Variants in CARNMT1 observed in about 807,000 individuals in gnomAD.
The protein encoded by CARNMT1 is protein-L-histidine N-pros-methyltransferase CARNMT1.
CARNMT1 carries 28 observed loss-of-function variants against 49.6 expected under a neutral mutation model. That is an observed-to-expected ratio of 0.56 (90% CI 0.42 to 0.77). The LOEUF is 0.77. Among genes scored for constraint, CARNMT1 ranks in the 30% least tolerant of loss-of-function variants. The pLI is 0.00. For synonymous variants in CARNMT1, 178 were observed against 175.0 expected, an observed-to-expected ratio of 1.02 and a Z score of -0.13; for missense variants, 421 against 512.6, an observed-to-expected ratio of 0.82 and a Z score of 1.73.
Position 75,006,440 on chromosome 9 carries a change from G to GGTT in CARNMT1, c.591-6573_591-6571dup, listed in dbSNP as rs113721323. The stretch of plus-strand genomic sequence containing the variant: ...ATGCAGCCTTTACTGTGTTTTATTA[G>GGTT]GTTTCCTGTTTAGGTTTTTTTGATA... On this transcript the variant is annotated intron_variant, in intron 3 of 7. Coordinates refer to ENST00000376834, the MANE Select transcript of CARNMT1 (RefSeq NM_152420.3). 8.7e-3 allele frequency among the ~76,000 whole-genome samples: 1,326 copies of GGTT among 152,176 alleles called. 20 individuals carry two copies. The highest frequency in any genetic ancestry group is 0.029 in the African/African-American group (1,211 of 41,512).
chr9:75,005,680 A>G lies in CARNMT1; in HGVS notation c.591-5810T>C, dbSNP rs147121828. 4.7e-3 allele frequency among the ~76,000 whole-genome samples: 720 copies of G among 151,996 alleles called. 4 individuals are homozygous for G. The highest frequency in any genetic ancestry group is 0.015 in the African/African-American group (637 of 41,452). Reference sequence around the variant, plus strand: ...AGTAGAGACAGGGTTTCACCGTGTTAGCCAGGATGATCTCGATCTCCTGAT... The same window carrying G: ...AGTAGAGACAGGGTTTCACCGTGTTGGCCAGGATGATCTCGATCTCCTGAT... On this transcript the variant is annotated intron_variant, in intron 3 of 7. Transcript: ENST00000376834.
At chr9:75,004,368 G>A (rs1433484420) in intron 3 of CARNMT1, among the ~76,000 whole-genome samples, 2 of 152,170 alleles carry the variant, frequency 1.3e-5, no homozygotes, top group Non-Finnish European at 2.9e-5. Flanking sequence ...CTATGAGATT[G>A]AGTGTCCTGT....
intron 3 of CARNMT1, among the ~76,000 whole-genome samples, chr9:75,005,827 A>AACACACACACACACAC (rs10569961): frequency 8.1e-5 from 11 of 135,804 alleles, no homozygotes; most frequent in South Asian, 2.5e-4. Flanking sequence ...GTGAAATTAA[A>AACACACACACACACAC]ACACACACAC....
chr9:75,027,111 T>C lies in CARNMT1; in HGVS notation c.230+901A>G, dbSNP rs539224228. ...TGCAGCCTCAGAACATAGTCACCGG[T>C]GGACTCATATCTCTTACGTGAATAA... On this transcript the variant is annotated intron_variant, in intron 1 of 7. Coordinates refer to ENST00000376834, the MANE Select transcript of CARNMT1 (RefSeq NM_152420.3). The C allele has an allele frequency of 1.6e-4, 215 of 1,304,288 alleles. No individual in the cohort carries two copies. The Admixed American group carries it at 3.5e-3, about 21-fold the overall frequency. 80.8% of individuals were successfully genotyped at this position (1,304,288 alleles called of 1,614,324 possible).
rs745813333 is a variant in CARNMT1 at position 75,016,448 on chromosome 9, C to T, written c.427-17G>A. ...TCCATTCCCCTGTTTAAAAAACAGA[C>T]ATCAATTAGCTTCTGAGAGAGTAAT... On this transcript the variant is annotated splice_polypyrimidine_tract_variant and intron_variant, in intron 2 of 7. Transcript: ENST00000376834. 1.2e-6 allele frequency: 2 copies of T among 1,612,004 alleles called. No homozygotes were observed. Among genetic ancestry groups the T allele is most frequent in the Non-Finnish European group, 1.7e-6 (2 of 1,178,842 alleles).
intron 1 of CARNMT1, among the ~76,000 whole-genome samples, chr9:75,018,577 G>T (rs1482802096): frequency 6.6e-6 from 1 of 152,136 alleles, no homozygotes; most frequent in East Asian, 1.9e-4. Context: ...GTACAACTTA[G>T]CATGGTACTT....
At chr9:75,028,335 G>A, upstream of CARNMT1, 3 of 1,312,652 alleles carry the variant, frequency 2.3e-6, no homozygotes, top group South Asian at 2.2e-5. Flanking sequence ...GGCGCCCGCC[G>A]CGGACATGCC....
At chr9:75,002,079 A>G (rs1219028956) in intron 3 of CARNMT1, among the ~76,000 whole-genome samples, 2 of 152,142 alleles carry the variant, frequency 1.3e-5, no homozygotes, top group Admixed American at 6.6e-5. Flanking sequence ...CCTCCCTAAT[A>G]ACAGGAGGAA....
chr9:75,028,348 C>G, upstream of CARNMT1: 1 of 1,304,986 alleles, frequency 7.7e-7, no homozygotes, highest in Non-Finnish European at 9.7e-7. Context: ...GACATGCCCC[C>G]AGCTCGCGGC....
intron 6 of CARNMT1, among the ~76,000 whole-genome samples, chr9:74,990,781 G>T (rs551565439): frequency 6.6e-6 from 1 of 152,290 alleles, no homozygotes; most frequent in African/African-American, 2.4e-5. Context: ...GGGATATGTC[G>T]AAAGAACAGG....
intron 6 of CARNMT1, among the ~76,000 whole-genome samples, chr9:74,988,638 T>C (rs1241117285): frequency 1.3e-5 from 2 of 152,218 alleles, no homozygotes; most frequent in African/African-American, 4.8e-5. Context: ...GTATAATTAA[T>C]CTAATAAACA....
intron 3 of CARNMT1, among the ~76,000 whole-genome samples, chr9:75,008,185 A>AAAC (rs1232111190): frequency 2.0e-5 from 3 of 151,108 alleles, no homozygotes; most frequent in African/African-American, 7.3e-5. Flanking sequence ...AAAAAAAAAA[A>AAAC]AAAAAAAAAA....
At chr9:75,002,550 ATC>A (rs1220254243) in intron 3 of CARNMT1, among the ~76,000 whole-genome samples, 2 of 152,238 alleles carry the variant, frequency 1.3e-5, no homozygotes, top group Non-Finnish European at 2.9e-5. Flanking sequence ...CTCATTAATA[ATC>A]TTTTATTACA....
chr9:75,003,479 G>A (rs531202539), intron 3 of CARNMT1, among the ~76,000 whole-genome samples: 4 of 152,338 alleles, frequency 2.6e-5, no homozygotes, highest in African/African-American at 4.8e-5. Flanking sequence ...GCAACAAGGC[G>A]CTAAGCAGTC....
intron 6 of CARNMT1, among the ~76,000 whole-genome samples, chr9:74,989,728 C>T (rs1223346080): frequency 6.6e-6 from 1 of 152,060 alleles, no homozygotes; most frequent in Non-Finnish European, 1.5e-5. Flanking sequence ...ACACTTCAAC[C>T]CAGGCCTTAA....
rs894654797 is a variant in CARNMT1 at position 74,985,582 on chromosome 9, CT to C, written c.1025-573del. 1.6e-3 allele frequency among the ~76,000 whole-genome samples: 228 copies of C among 144,580 alleles called. 1 individual carries two copies. The highest frequency in any genetic ancestry group is 1.5e-3 in the Non-Finnish European group (101 of 65,396). The allele number at this position is 144,580 out of a possible 152,430, so 94.9% of individuals were successfully genotyped here. ...TAACTCCACTTCATCTACAATATGA[CT>C]TTTTTTTTTTTTGAGACAATCTCAC... On this transcript the variant is annotated intron_variant, in intron 6 of 7. Transcript: ENST00000376834.
Position 74,983,134 on chromosome 9 carries a change from A to G in CARNMT1, c.*633T>C, listed in dbSNP as rs919265905. The G allele has an allele frequency of 6.6e-6, 1 of 152,066 alleles. No individual in the cohort carries two copies. Among genetic ancestry groups the G allele is most frequent in the Non-Finnish European group, 1.5e-5 (1 of 68,030 alleles). 9.4% of individuals were successfully genotyped at this position (152,066 alleles called of 1,614,324 possible). On this transcript the variant is annotated 3_prime_UTR_variant, in exon 8 of 8. Coordinates refer to ENST00000376834, the MANE Select transcript of CARNMT1 (RefSeq NM_152420.3). Reference sequence around the variant, plus strand: ...TACATGCCTACAGTCCTAGCTACTCAGGAGGCTAAGGCTAAGGCAGGAAGA... The same window carrying G: ...TACATGCCTACAGTCCTAGCTACTCGGGAGGCTAAGGCTAAGGCAGGAAGA...
chr9:75,000,882 T>G (rs1564096849), intron 3 of CARNMT1, among the ~76,000 whole-genome samples: 1 of 152,144 alleles, frequency 6.6e-6, no homozygotes, highest in Non-Finnish European at 1.5e-5. Context: ...CACTTCAAAA[T>G]AAGAAAGAAC....
intron 3 of CARNMT1, among the ~76,000 whole-genome samples, chr9:75,009,060 CT>C (rs752851220): frequency 0.43 from 54,570 of 125,480 alleles, 11,431 homozygotes; most frequent in South Asian, 0.49. Context: ...AAAGGACAGT[CT>C]TTTTTTTTTT....
Sources: allele counts gnomAD v4.1 joint callset (sites outside exome capture counted in the v4.1 genomes callset), GRCh38; gene constraint gnomAD v4.1.1; transcripts MANE v1.5; gene names NCBI Gene and HGNC (gene_info 2026-07-23, HGNC 2026-07-21).